DPP6: variants seen among roughly 807,000 people sequenced by gnomAD.
DPP6 encodes the protein A-type potassium channel modulatory protein DPP6.
DPP6 carries 69 observed loss-of-function variants against 122.6 expected under a neutral mutation model. The observed-to-expected ratio is 0.56, with a 90% confidence interval of 0.46 to 0.69. The LOEUF (loss-of-function observed/expected upper bound fraction) is 0.69, where lower values mean the gene tolerates loss of function less well. Among genes scored for constraint, DPP6 ranks in the 30% least tolerant of loss-of-function variants. DPP6 has a pLI of 0.00. For synonymous variants in DPP6, 418 were observed against 433.1 expected (o/e 0.97, Z 0.43); for missense variants, 928 against 1,116.9 (o/e 0.83, Z 2.41).
At chr7:154,316,019 T>G (rs1807401658) in intron 1 of DPP6, among the ~76,000 whole-genome samples, 1 of 152,216 alleles carries the variant, frequency 6.6e-6, no homozygotes, top group Non-Finnish European at 1.5e-5. Flanking sequence ...GTGAATGAAT[T>G]GTGTCCTCCT....
chr7:154,436,125 A>G (rs908400647), intron 1 of DPP6, among the ~76,000 whole-genome samples: 1 of 151,676 alleles, frequency 6.6e-6, no homozygotes, highest in Non-Finnish European at 1.5e-5. Flanking sequence ...GGCTTACAGA[A>G]TCCTCCCCTG....
At chr7:154,379,125 C>A (rs1249878301) in intron 1 of DPP6, among the ~76,000 whole-genome samples, 1 of 152,180 alleles carries the variant, frequency 6.6e-6, no homozygotes, top group Non-Finnish European at 1.5e-5. Context: ...GGGGACACAA[C>A]ATTCAGTCCA....
At position 154,714,455 on chromosome 7, in the gene DPP6, C is replaced by T. The variant is rs551939402; in HGVS notation, c.763-13312C>T. 2.2e-4 allele frequency among the ~76,000 whole-genome samples: 34 copies of T among 152,306 alleles called. 1 individual carries two copies. Among genetic ancestry groups the T allele is most frequent in the African/African-American group, 6.0e-4 (25 of 41,560 alleles). On this transcript the variant is annotated intron_variant, in intron 7 of 25. Coordinates refer to ENST00000377770, the MANE Select transcript of DPP6 (RefSeq NM_130797.4). ...AAAAGAAGGAGGTTTAATTGACTCA[C>T]GGTTCTGCATGGCTAGGGAGGCCTC...
chr7:154,194,642 C>T (rs184408300), intron 1 of DPP6, among the ~76,000 whole-genome samples: 4 of 152,316 alleles, frequency 2.6e-5, no homozygotes, highest in Non-Finnish European at 5.9e-5. Flanking sequence ...TGAATTCTTT[C>T]GTTGTCAGAC....
intron 21 of DPP6, chr7:154,884,071 TACACATGCTCACAC>T (rs1554495909): frequency 1.8e-5 from 2 of 113,242 alleles, no homozygotes; most frequent in Non-Finnish European, 3.5e-5. Context: ...TGCTCACCCA[TACACATGCTCACAC>T]ACACATGCTC....
intron 5 of DPP6, among the ~76,000 whole-genome samples, chr7:154,581,910 T>C (rs143529836): frequency 6.6e-6 from 1 of 152,100 alleles, no homozygotes; most frequent in Non-Finnish European, 1.5e-5. Context: ...GAAACCAGGA[T>C]TTTTGACTAT....
At chr7:154,100,121 A>C (rs1805626173) in intron 1 of DPP6, among the ~76,000 whole-genome samples, 1 of 111,338 alleles carries the variant, frequency 9.0e-6, no homozygotes, top group Non-Finnish European at 1.8e-5. Context: ...AAATGTATGA[A>C]TCTGGAGTTC....
chr7:154,608,319 T>TTATATATATATATATATATATA (rs1563922092), intron 5 of DPP6, among the ~76,000 whole-genome samples: 2 of 81,298 alleles, frequency 2.5e-5, no homozygotes, highest in Admixed American at 1.5e-4. Flanking sequence ...TTAGGAGTGA[T>TTATATATATATATATATATATA]CATATATATA....
chr7:154,151,332 T>A (rs1796409001), intron 1 of DPP6, among the ~76,000 whole-genome samples: 1 of 152,174 alleles, frequency 6.6e-6, no homozygotes, highest in Admixed American at 6.5e-5. Flanking sequence ...GGCTTTCTGT[T>A]CCTGGACTGC....
At chr7:153,893,245 C>G (rs1333238785) in intron 1 of DPP6, among the ~76,000 whole-genome samples, 2 of 152,186 alleles carry the variant, frequency 1.3e-5, no homozygotes, top group African/African-American at 2.4e-5. Flanking sequence ...TGGCTCTTCC[C>G]TGTTGCACAG....
At chr7:154,134,410 G>A (rs1199581997) in intron 1 of DPP6, among the ~76,000 whole-genome samples, 1 of 152,082 alleles carries the variant, frequency 6.6e-6, no homozygotes, top group East Asian at 1.9e-4. Context: ...GCAGCCTGTG[G>A]TACAGGGCTG....
At chr7:154,400,547 ATTC>A (rs1473330412) in intron 1 of DPP6, among the ~76,000 whole-genome samples, 1 of 152,162 alleles carries the variant, frequency 6.6e-6, no homozygotes, top group African/African-American at 2.4e-5. Flanking sequence ...TGACTATGTT[ATTC>A]TTTTTATTTG....
At chr7:154,547,928 G>T (rs1351825708) in intron 4 of DPP6, among the ~76,000 whole-genome samples, 1 of 152,192 alleles carries the variant, frequency 6.6e-6, no homozygotes, top group Non-Finnish European at 1.5e-5. Flanking sequence ...AGTGGATGAG[G>T]CTGAGCACAG....
intron 5 of DPP6, among the ~76,000 whole-genome samples, chr7:154,617,665 TAATA>T (rs759229568): frequency 6.6e-6 from 1 of 152,162 alleles, no homozygotes; most frequent in Non-Finnish European, 1.5e-5. Flanking sequence ...ACAAATAAAT[TAATA>T]AATATGTAAG....
intron 1 of DPP6, among the ~76,000 whole-genome samples, chr7:154,196,738 C>T (rs1798888124): frequency 6.6e-6 from 1 of 152,152 alleles, no homozygotes; most frequent in East Asian, 1.9e-4. Context: ...TCCCTCAGCC[C>T]TGCTCAGAAA....
At chr7:154,064,237 G>T (rs1361696955) in intron 1 of DPP6, among the ~76,000 whole-genome samples, 2 of 152,144 alleles carry the variant, frequency 1.3e-5, no homozygotes, top group African/African-American at 4.8e-5. Flanking sequence ...GATTGTTGGG[G>T]CCCTCGCAAT....
chr7:153,973,603 G>A (rs1796136343), intron 1 of DPP6, among the ~76,000 whole-genome samples: 1 of 150,490 alleles, frequency 6.6e-6, no homozygotes, highest in Admixed American at 6.6e-5. Context: ...GGGGAATCCG[G>A]CACTTAGAGT....
At chr7:154,806,903 C>T in intron 15 of DPP6, 91 bp from the exon 16 acceptor site, 1 of 1,542,938 alleles carries the variant, frequency 6.5e-7, no homozygotes, top group Non-Finnish European at 8.8e-7. Context: ...GCAGATCACC[C>T]TCATGGGGAG....
the DPP6 span, among the ~76,000 whole-genome samples, chr7:153,879,430 C>G: frequency 2.8e-4 from 43 of 152,146 alleles, no homozygotes; most frequent in Non-Finnish European, 5.4e-4. Context: ...CGCTGTGCCA[C>G]CCAGGCTGGA....
Sources: allele counts gnomAD v4.1 joint callset (sites outside exome capture counted in the v4.1 genomes callset), GRCh38; gene constraint gnomAD v4.1.1; transcripts MANE v1.5; gene names NCBI Gene and HGNC (gene_info 2026-07-23, HGNC 2026-07-21).